Variants in GALNT13 observed in about 807,000 individuals in gnomAD.
GALNT13 encodes polypeptide N-acetylgalactosaminyltransferase 13, also known as UDP-GalNAc:polypeptide N-acetylgalactosaminyltransferase 13.
GALNT13 carries 28 observed loss-of-function variants against 64.2 expected under a neutral mutation model. The ratio of observed to expected loss-of-function variants is 0.44; its 90% CI spans 0.32 to 0.60. GALNT13 has a LOEUF of 0.60. Among genes scored for constraint, GALNT13 ranks in the 20% least tolerant of loss-of-function variants. GALNT13 has a pLI of 0.05. For synonymous variants in GALNT13, 214 were observed against 224.6 expected, an observed-to-expected ratio of 0.95 and a Z score of 0.42; for missense variants, 577 against 669.8, an observed-to-expected ratio of 0.86 and a Z score of 1.53.
the GALNT13 span, among the ~76,000 whole-genome samples, chr2:153,729,582 A>C: frequency 2.0e-5 from 3 of 152,184 alleles, no homozygotes; most frequent in African/African-American, 7.2e-5. Flanking sequence ...GTTCGAGTCA[A>C]AATTTACTTT....
chr2:153,680,638 T>G, the GALNT13 span, among the ~76,000 whole-genome samples: 3 of 151,862 alleles, frequency 2.0e-5, no homozygotes, highest in African/African-American at 7.2e-5. Flanking sequence ...ATAAATGCAT[T>G]TCCTAACTCC....
the GALNT13 span, among the ~76,000 whole-genome samples, chr2:153,677,288 C>T: frequency 0.11 from 3,060 of 26,650 alleles, 59 homozygotes; most frequent in South Asian, 0.26. Context: ...TAGACATACA[C>T]ACACACACAC....
At chr2:154,176,038 T>C (rs913270635) in intron 4 of GALNT13, among the ~76,000 whole-genome samples, 2 of 152,038 alleles carry the variant, frequency 1.3e-5, no homozygotes, top group Admixed American at 1.3e-4. Context: ...AGAAACCCTG[T>C]GTTAATGATT....
At chr2:154,119,437 G>C (rs1428439857) in intron 3 of GALNT13, among the ~76,000 whole-genome samples, 3 of 152,096 alleles carry the variant, frequency 2.0e-5, no homozygotes, top group African/African-American at 7.2e-5. Context: ...ACTGAGCTCT[G>C]TGCTTCCCCT....
chr2:153,263,730 A>G, the GALNT13 span, among the ~76,000 whole-genome samples: 3 of 152,234 alleles, frequency 2.0e-5, no homozygotes, highest in African/African-American at 7.2e-5. Flanking sequence ...GTACTGAGAG[A>G]ACTGGCTAGC....
intron 4 of GALNT13, among the ~76,000 whole-genome samples, chr2:154,167,724 G>A (rs1685113172): frequency 6.6e-6 from 1 of 152,112 alleles, no homozygotes; most frequent in Non-Finnish European, 1.5e-5. Flanking sequence ...GTGGGTATAA[G>A]TAGAGCAACC....
chr2:153,803,952 CA>C, the GALNT13 span, among the ~76,000 whole-genome samples: 2 of 152,030 alleles, frequency 1.3e-5, no homozygotes, highest in African/African-American at 4.8e-5. Context: ...CCAAAATGAA[CA>C]AATAGAATTA....
At position 154,451,938 on chromosome 2, in the gene GALNT13, A is replaced by G. The variant is rs1701886810; in HGVS notation, c.*1387A>G. The stretch of plus-strand genomic sequence containing the variant: ...TTCCACTTCTTTGGTCCTCATCTTT[A>G]CTTAAAAAGCTCTTATAGAAAGGAT... On this transcript the variant is annotated 3_prime_UTR_variant, in exon 13 of 13. Coordinates refer to ENST00000392825, the MANE Select transcript of GALNT13 (RefSeq NM_052917.4). The G allele has an allele frequency of 6.6e-6, 1 of 152,110 alleles. No homozygotes were observed. The highest frequency in any genetic ancestry group is 6.6e-5 in the Admixed American group (1 of 15,242). 9.4% of individuals were successfully genotyped at this position (152,110 alleles called of 1,614,324 possible). A position where few individuals can be genotyped will look rare whatever the true frequency, so the allele number is the denominator to read the frequency against.
the GALNT13 span, among the ~76,000 whole-genome samples, chr2:153,860,875 T>A: frequency 6.6e-6 from 1 of 152,188 alleles, no homozygotes; most frequent in South Asian, 2.1e-4. Context: ...ATGCAAATGA[T>A]AGGAGTAGTA....
At chr2:153,374,742 C>T in the GALNT13 span, among the ~76,000 whole-genome samples, 3 of 152,226 alleles carry the variant, frequency 2.0e-5, no homozygotes, top group African/African-American at 7.2e-5. Context: ...ATTTATTACG[C>T]TAATCTCCTC....
chr2:153,077,353 C>T, the GALNT13 span, among the ~76,000 whole-genome samples: 3 of 151,988 alleles, frequency 2.0e-5, no homozygotes, highest in African/African-American at 7.2e-5. Context: ...ATCTGAGTCA[C>T]AATAAAATTT....
chr2:153,752,000 GT>G, the GALNT13 span, among the ~76,000 whole-genome samples: 4 of 151,256 alleles, frequency 2.6e-5, no homozygotes, highest in Non-Finnish European at 5.9e-5. Context: ...TTCATTGTAT[GT>G]TTTTTGGTTT....
At chr2:153,904,606 A>G (rs886321363) in intron 2 of GALNT13, among the ~76,000 whole-genome samples, 2 of 151,884 alleles carry the variant, frequency 1.3e-5, no homozygotes, top group Admixed American at 1.3e-4. Flanking sequence ...TTGTCTATAA[A>G]TTTCCTGTTC....
At chr2:154,089,813 T>C (rs1392581381) in intron 3 of GALNT13, among the ~76,000 whole-genome samples, 15 of 48,206 alleles carry the variant, frequency 3.1e-4, no homozygotes, top group Admixed American at 8.0e-4. Flanking sequence ...GATATTACCC[T>C]TTTTTTTTTT....
the GALNT13 span, among the ~76,000 whole-genome samples, chr2:153,532,614 A>C: frequency 6.6e-6 from 1 of 152,102 alleles, no homozygotes; most frequent in East Asian, 1.9e-4. Context: ...GACAGGAGAA[A>C]ATTTTTCAAA....
the GALNT13 span, among the ~76,000 whole-genome samples, chr2:153,507,806 A>G: frequency 6.6e-6 from 1 of 152,118 alleles, no homozygotes; most frequent in Non-Finnish European, 1.5e-5. Flanking sequence ...ACTACGTCAG[A>G]GGGAAGATAT....
the GALNT13 span, among the ~76,000 whole-genome samples, chr2:153,088,671 G>A: frequency 6.6e-6 from 1 of 152,060 alleles, no homozygotes; most frequent in Non-Finnish European, 1.5e-5. Flanking sequence ...ATTTGGAATT[G>A]TGATTTTTTG....
the GALNT13 span, among the ~76,000 whole-genome samples, chr2:153,463,131 G>A: frequency 6.6e-6 from 1 of 152,088 alleles, no homozygotes. Context: ...GGAAAGATGA[G>A]TGAACCAGAG....
the GALNT13 span, among the ~76,000 whole-genome samples, chr2:153,230,543 G>A: frequency 6.6e-6 from 1 of 152,152 alleles, no homozygotes; most frequent in East Asian, 1.9e-4. Context: ...TCATCATGAT[G>A]TTATGAATTT....
Sources: gnomAD v4.1 joint callset for allele counts (sites outside exome capture counted in the v4.1 genomes callset) on GRCh38, gnomAD v4.1.1 for gene constraint, MANE v1.5 for transcripts, NCBI Gene and HGNC (gene_info 2026-07-23, HGNC 2026-07-21) for gene names.